The following ADAT2 variants were observed in gnomAD, a reference collection of about 807,000 sequenced individuals.
ADAT2 encodes adenosine deaminase tRNA specific 2, also known as tRNA-specific adenosine-34 deaminase catalytic subunit ADAT2.
In ADAT2, 26 loss-of-function variants were observed where a neutral mutation model predicts 25.9. The observed-to-expected ratio is 1.00, with a 90% CI of 0.74 to 1.39. The LOEUF is 1.39. Among genes scored for constraint, ADAT2 ranks in the 40% most tolerant of loss-of-function variants. The pLI, the probability that ADAT2 is intolerant of heterozygous loss-of-function variation, is 0.00. For synonymous variants in ADAT2, 76 were observed against 86.8 expected (o/e 0.88, Z 0.69); for missense variants, 220 against 244.8 (o/e 0.90, Z 0.68).
rs765969355 is a variant in ADAT2, at chr6:143,433,939, C to T, written c.244G>A (p.Asp82Asn). Residue 82 changes from aspartate to asparagine, a missense_variant, in exon 3 of 6, where the codon GAT becomes AAT. By Grantham distance (23) the Asp-to-Asn change is conservative (BLOSUM62 1). Coordinates refer to ENST00000237283, the MANE Select transcript of ADAT2 (RefSeq NM_182503.3). ...AEMVAIDQVL[D>N]WCRQSGKSPS... The stretch of plus-strand genomic sequence containing the variant: ...CTCTTGCCACTTTGACGACACCAAT[C>T]GAGGACCTGATCGATGGCCACCATT... The T allele has an allele frequency of 5.0e-5, 80 of 1,614,016 alleles. No individual in the cohort carries two copies. Among genetic ancestry groups the T allele is most frequent in the Middle Eastern group, 1.6e-4 (1 of 6,084 alleles).
rs189921612 is a variant in ADAT2, at chr6:143,437,203, T to C, written c.201+1387A>G. Among the ~76,000 whole-genome samples the C allele has an allele frequency of 3.6e-3, 542 of 152,344 alleles. 6 individuals carry two copies. The highest frequency in any genetic ancestry group is 0.012 in the African/African-American group (513 of 41,582). ...ATTGGAACTGCTAGGGCGAAGTATA[T>C]GCAAAATCTACATTTTGAGTAAATT... On this transcript the variant is annotated intron_variant, in intron 2 of 5. Transcript: ENST00000237283. This position sits in a 1 kb window ranked among gnomAD's most constrained non-coding sequence, Gnocchi z 4.1.
chr6:143,428,266 G>T lies in ADAT2; in HGVS notation c.*197C>A. The stretch of plus-strand genomic sequence containing the variant: ...AAAATGGGAATCAGCTTCTGGAAAA[G>T]CTAATAACTGTTTACAATTGTCAGA... On this transcript the variant is annotated 3_prime_UTR_variant, in exon 6 of 6. Coordinates refer to ENST00000237283, the MANE Select transcript of ADAT2 (RefSeq NM_182503.3). The surrounding 1 kb of genome is among the most constrained non-coding windows in gnomAD (Gnocchi z 5.0). The T allele has an allele frequency of 1.6e-6, 1 of 620,770 alleles. No individual in the cohort carries two copies. 38.5% of individuals were successfully genotyped at this position (620,770 alleles called of 1,614,324 possible).
chr6:143,435,157 T>TTAAAA (rs59627912), intron 2 of ADAT2, among the ~76,000 whole-genome samples: 27,669 of 120,388 alleles, frequency 0.23, 3,035 homozygotes, highest in Non-Finnish European at 0.3. Context: ...GTGGAGAGTT[T>TTAAAA]AAAAAAAAAA....
chr6:143,438,578 C>A lies in ADAT2; in HGVS notation c.201+12G>T. ...ACTGTATGTTTGCAATTATACTGCT[C>A]AACTCACATACATTTTTGGTTTGGT... On this transcript the variant is annotated intron_variant, in intron 2 of 5. Transcript: ENST00000237283. The A allele has an allele frequency of 6.3e-7, 1 of 1,590,404 alleles. No individual in the cohort carries two copies. Among genetic ancestry groups the A allele is most frequent in the South Asian group, 1.1e-5 (1 of 90,466 alleles).
chr6:143,428,281 C>T lies in ADAT2; in HGVS notation c.*182G>A. 1 of 641,998 alleles carries T rather than the reference C, an allele frequency of 1.6e-6. No homozygotes were observed. Among genetic ancestry groups the T allele is most frequent in the South Asian group, 2.1e-5 (1 of 47,084 alleles). 39.8% of individuals were successfully genotyped at this position (641,998 alleles called of 1,614,324 possible). A position where few individuals can be genotyped will look rare whatever the true frequency, so the allele number is the denominator to read the frequency against. On this transcript the variant is annotated 3_prime_UTR_variant, in exon 6 of 6. Coordinates refer to ENST00000237283, the MANE Select transcript of ADAT2 (RefSeq NM_182503.3). This position sits in a 1 kb window ranked among gnomAD's most constrained non-coding sequence, Gnocchi z 5.0. ...TTCTGGAAAAGCTAATAACTGTTTA[C>T]AATTGTCAGACTTCTAAAAAGTGCT... is the stretch of plus-strand genomic sequence containing the variant.
rs1779265499 is a variant in ADAT2 at position 143,436,048 on chromosome 6, A to G, written c.202-2067T>C. Among the ~76,000 whole-genome samples, 1 of 152,210 alleles carries G rather than the reference A, an allele frequency of 6.6e-6. No homozygotes were observed. Among genetic ancestry groups the G allele is most frequent in the African/African-American group, 2.4e-5 (1 of 41,466 alleles). On this transcript the variant is annotated intron_variant, in intron 2 of 5. Coordinates refer to ENST00000237283, the MANE Select transcript of ADAT2 (RefSeq NM_182503.3). The surrounding 1 kb of genome is among the most constrained non-coding windows in gnomAD (Gnocchi z 4.1). Reference sequence around the variant, plus strand: ...TGCACATGTGAGTTAAAATTAAAAGACTGTATATATTTGTATATTGTTACA... The same window carrying G: ...TGCACATGTGAGTTAAAATTAAAAGGCTGTATATATTTGTATATTGTTACA...
In ADAT2 at chr6:143,438,707, G is replaced by A. The variant is rs768045259; in HGVS notation, c.97-13C>T. ...GGGCTTCTTTGGCCTGAAACACAAA[G>A]TGGAAAATGTAAGACGTAATACTCC... On this transcript the variant is annotated splice_polypyrimidine_tract_variant and intron_variant, in intron 1 of 5. Coordinates refer to ENST00000237283, the MANE Select transcript of ADAT2 (RefSeq NM_182503.3). The A allele has an allele frequency of 5.0e-6, 8 of 1,604,130 alleles. No individual in the cohort carries two copies. Among genetic ancestry groups the A allele is most frequent in the African/African-American group, 1.3e-5 (1 of 74,648 alleles).
In ADAT2 at chr6:143,434,111, G is replaced by A; in HGVS notation, c.202-130C>T. The A allele has an allele frequency of 8.4e-7, 1 of 1,189,676 alleles. No individual in the cohort carries two copies. The highest frequency in any genetic ancestry group is 2.4e-5 in the East Asian group (1 of 42,302). 73.7% of individuals were successfully genotyped at this position (1,189,676 alleles called of 1,614,324 possible). ...AATATTTTAATGAATACAGTTTCAA[G>A]ACACCCTTAGCAGTGGACAACGTAT... On this transcript the variant is annotated intron_variant, in intron 2 of 5. Coordinates refer to ENST00000237283, the MANE Select transcript of ADAT2 (RefSeq NM_182503.3). This position sits in a 1 kb window ranked among gnomAD's most constrained non-coding sequence, Gnocchi z 4.5.
At position 143,444,973 on chromosome 6, in the gene ADAT2, TAA is replaced by T; in HGVS notation, c.96+5588_96+5589del. ...TGAGTCCTTAAAGAAATATTTCCTA[TAA>T]AGACAAAAAATTAGGGGGAACAAAC... On this transcript the variant is annotated intron_variant, in intron 1 of 5. Transcript: ENST00000237283. The surrounding 1 kb of genome is among the most constrained non-coding windows in gnomAD (Gnocchi z 4.3). 1 of 1,302,408 alleles carries T rather than the reference TAA, an allele frequency of 7.7e-7. No individual in the cohort carries two copies. The highest frequency in any genetic ancestry group is 1.0e-6 in the Non-Finnish European group (1 of 987,966). The allele number at this position is 1,302,408 out of a possible 1,614,324, so 80.7% of individuals were successfully genotyped here. A position where few individuals can be genotyped will look rare whatever the true frequency, so the allele number is the denominator to read the frequency against.
intron 1 of ADAT2, among the ~76,000 whole-genome samples, chr6:143,439,293 G>A (rs946045388): frequency 1.5e-5 from 2 of 132,812 alleles, no homozygotes; most frequent in East Asian, 4.1e-4. Context: ...CACACACACA[G>A]TCTATAACAA....
intron 1 of ADAT2, among the ~76,000 whole-genome samples, chr6:143,445,999 T>C (rs1323500481): frequency 6.6e-6 from 1 of 151,782 alleles, no homozygotes; most frequent in Non-Finnish European, 1.5e-5. Flanking sequence ...AGTTAGTCAA[T>C]CTTTCTTTTT....
In ADAT2 at chr6:143,424,039, T is replaced by C. The variant is rs1778858756; in HGVS notation, c.*4424A>G. ...CAATATCCACTTAGAAATCAGGTGA[T>C]AAATAGTCACGAGCCTGTTTTCATT... On this transcript the variant is annotated 3_prime_UTR_variant, in exon 6 of 6. Transcript: ENST00000237283. This position sits in a 1 kb window ranked among gnomAD's most constrained non-coding sequence, Gnocchi z 4.8. The C allele has an allele frequency of 6.6e-6, 1 of 152,200 alleles. No homozygotes were observed. Among genetic ancestry groups the C allele is most frequent in the African/African-American group, 2.4e-5 (1 of 41,442 alleles). 9.4% of individuals were successfully genotyped at this position (152,200 alleles called of 1,614,324 possible). A position where few individuals can be genotyped will look rare whatever the true frequency, so the allele number is the denominator to read the frequency against.
intron 1 of ADAT2, chr6:143,441,919 T>C (rs1262264304): frequency 6.6e-6 from 1 of 152,226 alleles, no homozygotes. Flanking sequence ...GGCAAGGCTG[T>C]GGAGAAGTGA....
rs1278361200 is a variant in ADAT2 at position 143,450,586 on chromosome 6, A to C, written c.73T>G (p.Trp25Gly). 6.2e-7 allele frequency: 1 copy of C among 1,613,732 alleles called. No individual in the cohort carries two copies. Among genetic ancestry groups the C allele is most frequent in the African/African-American group, 1.3e-5 (1 of 74,826 alleles). Residue 25 changes from tryptophan to glycine, a missense_variant, in exon 1 of 6, where the codon TGG becomes GGG. By Grantham distance (184) the Trp-to-Gly change is radical. Coordinates refer to ENST00000237283, the MANE Select transcript of ADAT2 (RefSeq NM_182503.3). ...ACCATGTGCATCGCCTCCTCCATCCACTTTTCGGTCTCCTCTGCCGACACC... is the reference window on the plus strand; with the variant it reads ...ACCATGTGCATCGCCTCCTCCATCCCCTTTTCGGTCTCCTCTGCCGACACC... ...CSVSAEETEK[W>G]MEEAMHMAKE... is the part of the protein sequence containing the mutation.
chr6:143,427,641 C>T lies in ADAT2; in HGVS notation c.*822G>A, dbSNP rs1471416935. 1 of 152,178 alleles carries T rather than the reference C, an allele frequency of 6.6e-6. No individual in the cohort carries two copies. Among genetic ancestry groups the T allele is most frequent in the Non-Finnish European group, 1.5e-5 (1 of 68,034 alleles). The allele number at this position is 152,178 out of a possible 1,614,324, so 9.4% of individuals were successfully genotyped here. A position where few individuals can be genotyped will look rare whatever the true frequency, so the allele number is the denominator to read the frequency against. On this transcript the variant is annotated 3_prime_UTR_variant, in exon 6 of 6. Coordinates refer to ENST00000237283, the MANE Select transcript of ADAT2 (RefSeq NM_182503.3). The stretch of plus-strand genomic sequence containing the variant: ...CCAAATGGCACCTATCCCCTTTACC[C>T]TGTGTTCCTTTTGCTTTTTGCCATA...
Position 143,428,362 on chromosome 6 carries a change from A to G in ADAT2, c.*101T>C. 7.4e-7 allele frequency: 1 copy of G among 1,345,006 alleles called. No homozygotes were observed. Among genetic ancestry groups the G allele is most frequent in the Non-Finnish European group, 1.0e-6 (1 of 972,470 alleles). 83.3% of individuals were successfully genotyped at this position (1,345,006 alleles called of 1,614,324 possible). A position where few individuals can be genotyped will look rare whatever the true frequency, so the allele number is the denominator to read the frequency against. ...GAGACACCATTTTCCTGCAGATTAAAAACAATATATAAACATATGATTCAA... is the reference window on the plus strand; with the variant it reads ...GAGACACCATTTTCCTGCAGATTAAGAACAATATATAAACATATGATTCAA... On this transcript the variant is annotated 3_prime_UTR_variant, in exon 6 of 6. Coordinates refer to ENST00000237283, the MANE Select transcript of ADAT2 (RefSeq NM_182503.3). This position sits in a 1 kb window ranked among gnomAD's most constrained non-coding sequence, Gnocchi z 5.0.
intron 1 of ADAT2, among the ~76,000 whole-genome samples, chr6:143,445,614 C>T (rs1423754674): frequency 6.6e-6 from 1 of 152,156 alleles, no homozygotes; most frequent in African/African-American, 2.4e-5. Context: ...TGTTATCTGA[C>T]AGCACTTTAT....
intron 1 of ADAT2, among the ~76,000 whole-genome samples, chr6:143,439,207 A>G (rs1226837618): frequency 6.6e-6 from 1 of 152,210 alleles, no homozygotes; most frequent in African/African-American, 2.4e-5. Context: ...GTGAGACAAT[A>G]AGAGTTTAGA....
chr6:143,441,299 G>C (rs1228752269), intron 1 of ADAT2: 1 of 152,168 alleles, frequency 6.6e-6, no homozygotes, highest in Admixed American at 6.5e-5. Flanking sequence ...CTAGTATCTA[G>C]ACTATATAAA....
Sources: gnomAD v4.1 joint callset for allele counts (sites outside exome capture counted in the v4.1 genomes callset) on GRCh38, gnomAD v4.1.1 for gene constraint, Gnocchi (gnomAD v3.1) non-coding constraint, MANE v1.5 for transcripts, NCBI Gene and HGNC (gene_info 2026-07-23, HGNC 2026-07-21) for gene names.